Variants in KCNH7 observed in about 807,000 individuals in gnomAD.
The protein encoded by KCNH7 is voltage-gated inwardly rectifying potassium channel KCNH7.
KCNH7 carries 49 observed loss-of-function variants against 120.8 expected under a neutral mutation model. The ratio of observed to expected loss-of-function variants is 0.41; its 90% CI spans 0.32 to 0.51. The LOEUF (loss-of-function observed/expected upper bound fraction) is 0.51, where lower values mean the gene tolerates loss of function less well. Among genes scored for constraint, KCNH7 ranks in the 20% least tolerant of loss-of-function variants. The probability of loss-of-function intolerance (pLI) is 0.38; values close to 1 mark genes in which losing one functional copy is unlikely to be tolerated. For synonymous variants in KCNH7, 547 were observed against 516.1 expected (o/e 1.06, Z -0.81); for missense variants, 1,097 against 1,446.6 (o/e 0.76, Z 3.92).
intron 2 of KCNH7, among the ~76,000 whole-genome samples, chr2:162,604,942 C>T (rs1260384615): frequency 2.0e-5 from 3 of 151,938 alleles, no homozygotes; most frequent in Non-Finnish European, 4.4e-5. Flanking sequence ...TGTTAAATAG[C>T]TAAAAATATT....
At chr2:162,726,919 A>G (rs1687547326) in intron 2 of KCNH7, among the ~76,000 whole-genome samples, 1 of 152,138 alleles carries the variant, frequency 6.6e-6, no homozygotes, top group African/African-American at 2.4e-5. Context: ...GATTCATTCT[A>G]ATGGGAAGTG....
intron 9 of KCNH7, among the ~76,000 whole-genome samples, chr2:162,421,360 G>A (rs1687704159): frequency 6.6e-6 from 1 of 152,142 alleles, no homozygotes; most frequent in Non-Finnish European, 1.5e-5. Flanking sequence ...GCAGAGAAGT[G>A]AATTTTTATG....
chr2:162,520,989 T>C (rs571394688), intron 3 of KCNH7, among the ~76,000 whole-genome samples: 1 of 151,974 alleles, frequency 6.6e-6, no homozygotes, highest in East Asian at 2.0e-4. Context: ...CTTCTTTCTG[T>C]TTGATCCTTT....
chr2:162,504,344 T>G (rs1690790410), intron 6 of KCNH7, 99 bp downstream of exon 6: 1 of 861,730 alleles, frequency 1.2e-6, no homozygotes, highest in Non-Finnish European at 1.9e-6. Context: ...AAAAATGTCT[T>G]ACCTCTACCG....
At chr2:162,509,207 G>A (rs925002813) in intron 5 of KCNH7, among the ~76,000 whole-genome samples, 1 of 151,424 alleles carries the variant, frequency 6.6e-6, no homozygotes, top group African/African-American at 2.4e-5. Flanking sequence ...AAATTTATAC[G>A]ATGAGGCTAT....
At chr2:162,750,878 A>G (rs1336944250) in intron 2 of KCNH7, among the ~76,000 whole-genome samples, 1 of 152,206 alleles carries the variant, frequency 6.6e-6, no homozygotes, top group Non-Finnish European at 1.5e-5. Flanking sequence ...AAGAAACCTC[A>G]TTGAATATCT....
chr2:162,526,219 C>T (rs1287751182), intron 3 of KCNH7, among the ~76,000 whole-genome samples: 1 of 151,844 alleles, frequency 6.6e-6, no homozygotes, highest in Non-Finnish European at 1.5e-5. Context: ...AGATCACATG[C>T]TTCACAAGGT....
intron 2 of KCNH7, among the ~76,000 whole-genome samples, chr2:162,719,927 A>G (rs1290874170): frequency 1.3e-5 from 2 of 152,066 alleles, no homozygotes; most frequent in Non-Finnish European, 2.9e-5. Context: ...ATGTTTAATC[A>G]TATTTAAAAT....
intron 2 of KCNH7, among the ~76,000 whole-genome samples, chr2:162,569,215 T>C (rs1409908229): frequency 6.6e-6 from 1 of 151,916 alleles, no homozygotes; most frequent in Non-Finnish European, 1.5e-5. Context: ...GCTCCTGTTA[T>C]TGGTCTATTC....
chr2:162,646,952 G>A (rs1361198642), intron 2 of KCNH7, among the ~76,000 whole-genome samples: 1 of 152,124 alleles, frequency 6.6e-6, no homozygotes, highest in Non-Finnish European at 1.5e-5. Flanking sequence ...GATAATATAT[G>A]TGTATTGTTT....
At chr2:162,634,552 A>G in intron 2 of KCNH7, among the ~76,000 whole-genome samples, 1 of 152,126 alleles carries the variant, frequency 6.6e-6, no homozygotes, top group East Asian at 1.9e-4. Context: ...AACTAAGAAT[A>G]TTGCCATTAA....
At chr2:162,462,519 G>T (rs1427142814) in intron 6 of KCNH7, among the ~76,000 whole-genome samples, 1 of 146,384 alleles carries the variant, frequency 6.8e-6, no homozygotes, top group African/African-American at 2.7e-5. Flanking sequence ...GAGAGTGAGA[G>T]CAAGAGAGAG....
intron 12 of KCNH7, among the ~76,000 whole-genome samples, chr2:162,386,925 T>A (rs1240723629): frequency 2.0e-5 from 3 of 151,722 alleles, no homozygotes; most frequent in Non-Finnish European, 4.4e-5. Context: ...GATAACTTGC[T>A]GATTTCACCT....
chr2:162,623,691 G>T (rs1032574233), intron 2 of KCNH7, among the ~76,000 whole-genome samples: 1 of 152,116 alleles, frequency 6.6e-6, no homozygotes, highest in African/African-American at 2.4e-5. Context: ...TCAGTTCCCT[G>T]TAAAATGGGA....
intron 2 of KCNH7, among the ~76,000 whole-genome samples, chr2:162,814,459 C>T (rs899370331): frequency 6.6e-6 from 1 of 152,146 alleles, no homozygotes; most frequent in African/African-American, 2.4e-5. Context: ...GGCCTCAAGT[C>T]TTCGCTTCTA....
At chr2:162,758,897 T>C (rs910614920) in intron 2 of KCNH7, among the ~76,000 whole-genome samples, 2 of 152,136 alleles carry the variant, frequency 1.3e-5, no homozygotes, top group African/African-American at 4.8e-5. Context: ...GGTTCACATT[T>C]TGAGGCCAAG....
intron 2 of KCNH7, among the ~76,000 whole-genome samples, chr2:162,697,211 A>T (rs1389762976): frequency 6.6e-6 from 1 of 152,106 alleles, no homozygotes; most frequent in East Asian, 1.9e-4. Flanking sequence ...TAATTTTGCC[A>T]GAGGGGTGGA....
At chr2:162,801,505 T>C (rs745784163) in intron 2 of KCNH7, among the ~76,000 whole-genome samples, 5 of 151,792 alleles carry the variant, frequency 3.3e-5, no homozygotes, top group Non-Finnish European at 7.4e-5. Flanking sequence ...ATGTCATATC[T>C]AAAATAATTC....
chr2:162,797,343 T>C (rs1203035971), intron 2 of KCNH7: 1 of 152,226 alleles, frequency 6.6e-6, no homozygotes, highest in African/African-American at 2.4e-5. Flanking sequence ...TGTTTATTAA[T>C]AGCTTTTAGG....
Sources: gnomAD v4.1 joint callset for allele counts (sites outside exome capture counted in the v4.1 genomes callset) on GRCh38, gnomAD v4.1.1 for gene constraint, MANE v1.5 for transcripts, NCBI Gene and HGNC (gene_info 2026-07-23, HGNC 2026-07-21) for gene names.